Variants in HS6ST3 observed in about 807,000 individuals in gnomAD.
HS6ST3 encodes heparan-sulfate 6-O-sulfotransferase 3.
Under a neutral mutation model 36.7 loss-of-function variants are expected in HS6ST3, and 12 were observed. The observed-to-expected ratio is 0.33, with a 90% CI of 0.21 to 0.53. The LOEUF (loss-of-function observed/expected upper bound fraction) is 0.53. Among genes scored for constraint, HS6ST3 ranks in the 20% least tolerant of loss-of-function variants. HS6ST3 has a pLI of 0.95. For synonymous variants in HS6ST3, 240 were observed against 257.5 expected (o/e 0.93, Z 0.65); for missense variants, 584 against 640.9 (o/e 0.91, Z 0.96).
At chr13:96,340,223 G>A (rs2055123319) in intron 1 of HS6ST3, among the ~76,000 whole-genome samples, 1 of 152,146 alleles carries the variant, frequency 6.6e-6, no homozygotes, top group South Asian at 2.1e-4. Context: ...CCTGGACTTG[G>A]AACCAGTTGC....
At chr13:96,432,180 C>T (rs1036368477) in intron 1 of HS6ST3, among the ~76,000 whole-genome samples, 4 of 152,188 alleles carry the variant, frequency 2.6e-5, no homozygotes, top group African/African-American at 9.7e-5. Context: ...CTTGGACCAG[C>T]TAAGGTGCTC....
intron 1 of HS6ST3, among the ~76,000 whole-genome samples, chr13:96,525,976 T>C (rs1053969838): frequency 3.3e-5 from 5 of 152,180 alleles, no homozygotes; most frequent in Non-Finnish European, 7.3e-5. Flanking sequence ...ATTGTATAGA[T>C]ACAGACATGC....
At chr13:96,406,205 C>CTATCA (rs2055477428) in intron 1 of HS6ST3, among the ~76,000 whole-genome samples, 6 of 152,184 alleles carry the variant, frequency 3.9e-5, no homozygotes, top group Admixed American at 3.9e-4. Flanking sequence ...CATTATTCTG[C>CTATCA]TATCACATAC....
intron 1 of HS6ST3, among the ~76,000 whole-genome samples, chr13:96,792,434 A>T (rs1267061066): frequency 2.0e-5 from 3 of 151,964 alleles, no homozygotes; most frequent in Admixed American, 2.0e-4. Context: ...TTCTCACCAT[A>T]GTCTTCAACT....
At chr13:96,222,149 T>G (rs1056017529) in intron 1 of HS6ST3, among the ~76,000 whole-genome samples, 1 of 152,214 alleles carries the variant, frequency 6.6e-6, no homozygotes, top group Non-Finnish European at 1.5e-5. Context: ...TATTTAAAAC[T>G]TCATAAGACA....
At chr13:96,416,211 G>A (rs184210058) in intron 1 of HS6ST3, among the ~76,000 whole-genome samples, 1 of 152,258 alleles carries the variant, frequency 6.6e-6, no homozygotes, top group African/African-American at 2.4e-5. Context: ...AGCTTTTTTA[G>A]TTAGTGGCAA....
intron 1 of HS6ST3, among the ~76,000 whole-genome samples, chr13:96,435,639 T>G (rs1015653947): frequency 2.0e-5 from 3 of 152,346 alleles, no homozygotes; most frequent in Middle Eastern, 3.4e-3. Context: ...CGCATATTGG[T>G]TAAGTGAATA....
At chr13:96,524,978 G>A (rs764369620) in intron 1 of HS6ST3, among the ~76,000 whole-genome samples, 12 of 152,118 alleles carry the variant, frequency 7.9e-5, no homozygotes, top group Non-Finnish European at 1.0e-4. Flanking sequence ...GTTCCTATTC[G>A]GCCATCTTGG....
At chr13:96,158,878 C>T (rs920829166) in intron 1 of HS6ST3, among the ~76,000 whole-genome samples, 2 of 151,704 alleles carry the variant, frequency 1.3e-5, no homozygotes, top group Non-Finnish European at 2.9e-5. Flanking sequence ...ATTCTGGAGT[C>T]GGGAGAGCAA....
intron 1 of HS6ST3, among the ~76,000 whole-genome samples, chr13:96,254,053 G>T (rs757377095): frequency 1.2e-4 from 19 of 152,200 alleles, no homozygotes; most frequent in Non-Finnish European, 2.2e-4. Flanking sequence ...TTGGAGTACA[G>T]CCTTAATTTT....
At chr13:96,639,477 C>G (rs2056562453) in intron 1 of HS6ST3, among the ~76,000 whole-genome samples, 1 of 151,854 alleles carries the variant, frequency 6.6e-6, no homozygotes, top group Non-Finnish European at 1.5e-5. Flanking sequence ...ATCCATTCTG[C>G]TAATATCTGC....
chr13:96,651,948 T>G (rs779043987), intron 1 of HS6ST3, among the ~76,000 whole-genome samples: 1 of 152,060 alleles, frequency 6.6e-6, no homozygotes, highest in Non-Finnish European at 1.5e-5. Context: ...AGTATTCAGA[T>G]TTGGCTCCCT....
intron 1 of HS6ST3, among the ~76,000 whole-genome samples, chr13:96,350,093 A>G (rs1446514357): frequency 2.6e-5 from 4 of 152,204 alleles, no homozygotes; most frequent in Non-Finnish European, 5.9e-5. Flanking sequence ...AGTTCCAACA[A>G]TCATGAAATT....
chr13:96,630,236 C>T (rs2056527299), intron 1 of HS6ST3, among the ~76,000 whole-genome samples: 1 of 151,894 alleles, frequency 6.6e-6, no homozygotes, highest in African/African-American at 2.4e-5. Flanking sequence ...TCTTGGTGTG[C>T]TGTTTCTGTG....
At chr13:96,812,582 A>T (rs1383874346) in intron 1 of HS6ST3, among the ~76,000 whole-genome samples, 1 of 152,188 alleles carries the variant, frequency 6.6e-6, no homozygotes, top group African/African-American at 2.4e-5. Context: ...CAAAAAGACA[A>T]TGATGATCTA....
chr13:96,094,118 T>C (rs528440940), intron 1 of HS6ST3, among the ~76,000 whole-genome samples: 3 of 152,320 alleles, frequency 2.0e-5, no homozygotes, highest in African/African-American at 7.2e-5. Flanking sequence ...ATGGCTCTTG[T>C]ACTTACTAGC....
chr13:96,291,791 G>A (rs1457880051), intron 1 of HS6ST3, among the ~76,000 whole-genome samples: 1 of 152,158 alleles, frequency 6.6e-6, no homozygotes, highest in East Asian at 1.9e-4. Flanking sequence ...GCTTATCTAG[G>A]CAGGATTCTA....
At chr13:96,722,256 T>G (rs1172722991) in intron 1 of HS6ST3, among the ~76,000 whole-genome samples, 1 of 151,752 alleles carries the variant, frequency 6.6e-6, no homozygotes, top group Non-Finnish European at 1.5e-5. Context: ...CAGAGCGAGA[T>G]TCCGTCTAAA....
intron 1 of HS6ST3, among the ~76,000 whole-genome samples, chr13:96,424,511 C>T (rs142358256): frequency 6.6e-6 from 1 of 152,286 alleles, no homozygotes; most frequent in African/African-American, 2.4e-5. Flanking sequence ...ATACCATCAA[C>T]TGGATAGCAT....
Sources: allele counts gnomAD v4.1 joint callset (sites outside exome capture counted in the v4.1 genomes callset), GRCh38; gene constraint gnomAD v4.1.1; transcripts MANE v1.5; gene names NCBI Gene and HGNC (gene_info 2026-07-23, HGNC 2026-07-21).